The following GGTA1 variants were observed in gnomAD, a reference collection of about 807,000 sequenced individuals.
GGTA1 encodes the protein glycoprotein alpha-galactosyltransferase 1 (inactive).
A neutral mutation model predicts 2.6 loss-of-function variants in GGTA1; 5 were observed. The observed-to-expected ratio is 1.92, with a 90% confidence interval of 1.00 to 4.04. The LOEUF (loss-of-function observed/expected upper bound fraction) is 4.04. Among genes scored for constraint, GGTA1 ranks in the 30% most tolerant of loss-of-function variants. GGTA1 has a pLI of 0.00. For synonymous variants in GGTA1, 17 were observed against 5.0 expected, an observed-to-expected ratio of 3.38 and a Z score of -3.19; for missense variants, 50 against 16.7, an observed-to-expected ratio of 2.99 and a Z score of -3.47.
intron 1 of GGTA1, among the ~76,000 whole-genome samples, chr9:121,469,544 G>T (rs1009709034): frequency 2.6e-5 from 4 of 152,134 alleles, no homozygotes; most frequent in African/African-American, 9.7e-5. Context: ...GGGTGTGGAG[G>T]GTAGATCAGA....
At chr9:121,487,561 T>G (rs1828787217) in intron 1 of GGTA1, among the ~76,000 whole-genome samples, 1 of 108,248 alleles carries the variant, frequency 9.2e-6, no homozygotes, top group African/African-American at 3.9e-5. Flanking sequence ...GGCGACAGAG[T>G]GAGACTCTGT....
At chr9:121,484,686 T>G (rs1318070189) in intron 1 of GGTA1, among the ~76,000 whole-genome samples, 1 of 152,204 alleles carries the variant, frequency 6.6e-6, no homozygotes, top group Non-Finnish European at 1.5e-5. Flanking sequence ...CTGAAATAAT[T>G]CATTGTTGCT....
At chr9:121,498,794 A>G (rs1221761476) in intron 1 of GGTA1, among the ~76,000 whole-genome samples, 1 of 152,040 alleles carries the variant, frequency 6.6e-6, no homozygotes, top group Non-Finnish European at 1.5e-5. Context: ...CGCGCCTCCC[A>G]GTCCCTCCCG....
intron 1 of GGTA1, among the ~76,000 whole-genome samples, chr9:121,481,476 C>T (rs1401027363): frequency 1.3e-5 from 2 of 151,840 alleles, no homozygotes; most frequent in African/African-American, 4.8e-5. Context: ...CACCTGAAGT[C>T]AGCAGTTTGA....
chr9:121,479,034 C>T (rs1263807959), intron 1 of GGTA1: 3 of 456,228 alleles, frequency 6.6e-6, no homozygotes. Flanking sequence ...CTGTGAGGTC[C>T]TACCAGGGGA....
exon 8 of GGTA1, chr9:121,446,405 A>T (rs1392912883): frequency 6.6e-6 from 1 of 152,260 alleles, no homozygotes; most frequent in African/African-American, 2.4e-5. Context: ...CGGACTACAG[A>T]TGGTCTGAAG....
chr9:121,466,688 C>T (rs922733133), intron 2 of GGTA1, among the ~76,000 whole-genome samples: 5 of 152,134 alleles, frequency 3.3e-5, no homozygotes, highest in African/African-American at 1.2e-4. Context: ...CATGGTGGCT[C>T]ACGCCTGTAA....
intron 2 of GGTA1, among the ~76,000 whole-genome samples, chr9:121,464,570 G>A (rs932220475): frequency 7.2e-6 from 1 of 139,752 alleles, no homozygotes; most frequent in Non-Finnish European, 1.6e-5. Flanking sequence ...CAAGTGATGT[G>A]CCTGCATCAG....
chr9:121,490,163 G>C (rs1828845872), intron 1 of GGTA1, among the ~76,000 whole-genome samples: 1 of 152,176 alleles, frequency 6.6e-6, no homozygotes, highest in African/African-American at 2.4e-5. Flanking sequence ...GGTAACAGCT[G>C]GGTGGAATTA....
downstream of GGTA1, among the ~76,000 whole-genome samples, chr9:121,451,345 C>T (rs1331062486): frequency 2.0e-5 from 3 of 152,110 alleles, no homozygotes; most frequent in African/African-American, 4.8e-5. Context: ...GCCACCACGC[C>T]CAGCTAATTT....
chr9:121,494,922 C>CTTTTTT (rs66772492), intron 1 of GGTA1: 42 of 114,074 alleles, frequency 3.7e-4, no homozygotes, highest in East Asian at 1.3e-3. Flanking sequence ...CTACATCATT[C>CTTTTTT]TTTTTTTTTT....
chr9:121,487,854 T>G (rs1379857331), intron 1 of GGTA1, among the ~76,000 whole-genome samples: 1 of 152,006 alleles, frequency 6.6e-6, no homozygotes, highest in Non-Finnish European at 1.5e-5. Context: ...TAGCTGGGAT[T>G]ACAGGTGCGT....
At chr9:121,463,911 G>C (rs936987554) in intron 2 of GGTA1, among the ~76,000 whole-genome samples, 1 of 151,968 alleles carries the variant, frequency 6.6e-6, no homozygotes, top group Non-Finnish European at 1.5e-5. Flanking sequence ...GGCCAACTCA[G>C]AGCCTTCTAT....
intron 1 of GGTA1, among the ~76,000 whole-genome samples, chr9:121,491,133 C>T (rs987650971): frequency 4.7e-5 from 7 of 149,142 alleles, no homozygotes; most frequent in Admixed American, 1.3e-4. Flanking sequence ...AAGCAAACCC[C>T]GGCCCAGTCC....
intron 1 of GGTA1, among the ~76,000 whole-genome samples, chr9:121,487,288 T>C (rs1318267568): frequency 1.3e-5 from 2 of 151,904 alleles, no homozygotes; most frequent in Admixed American, 1.3e-4. Flanking sequence ...GAGTTAAAGA[T>C]GAGGCTCAGG....
chr9:121,484,988 A>G (rs1828728977), intron 1 of GGTA1, among the ~76,000 whole-genome samples: 1 of 152,250 alleles, frequency 6.6e-6, no homozygotes, highest in Admixed American at 6.5e-5. Flanking sequence ...GTGTTTCTCC[A>G]GGACATTAAC....
At chr9:121,492,764 G>A (rs962236414) in intron 1 of GGTA1, among the ~76,000 whole-genome samples, 2 of 151,174 alleles carry the variant, frequency 1.3e-5, no homozygotes, top group Admixed American at 6.6e-5. Context: ...ATGAGCCACC[G>A]CGCCCGGTCG....
intron 1 of GGTA1, among the ~76,000 whole-genome samples, chr9:121,482,398 C>T (rs1356745587): frequency 6.6e-6 from 1 of 152,052 alleles, no homozygotes; most frequent in Non-Finnish European, 1.5e-5. Context: ...GACCAGGAGG[C>T]GGAGGTTGCA....
At chr9:121,474,204 C>A (rs1828458610) in intron 1 of GGTA1, among the ~76,000 whole-genome samples, 3 of 152,060 alleles carry the variant, frequency 2.0e-5, no homozygotes, top group Non-Finnish European at 4.4e-5. Context: ...GCCCCAGTTG[C>A]ACAGCCTGCA....
Sources: gnomAD v4.1 joint callset for allele counts (sites outside exome capture counted in the v4.1 genomes callset) on GRCh38, gnomAD v4.1.1 for gene constraint, MANE v1.5 for transcripts, NCBI Gene and HGNC (gene_info 2026-07-23, HGNC 2026-07-21) for gene names.